The following GALNT13 variants were observed in gnomAD, a reference collection of about 807,000 sequenced individuals.
GALNT13 encodes the protein UDP-GalNAc:polypeptide N-acetylgalactosaminyltransferase 13.
GALNT13 carries 28 observed loss-of-function variants against 64.2 expected under a neutral mutation model. That is an observed-to-expected ratio of 0.44 (90% CI 0.32 to 0.60). The LOEUF is 0.60. Ranked by LOEUF, GALNT13 falls within the 20% of genes least tolerant of loss-of-function variation. GALNT13 has a pLI of 0.05. For synonymous variants in GALNT13, 214 were observed against 224.6 expected, an observed-to-expected ratio of 0.95 and a Z score of 0.42; for missense variants, 577 against 669.8, an observed-to-expected ratio of 0.86 and a Z score of 1.53.
the GALNT13 span, among the ~76,000 whole-genome samples, chr2:153,358,383 A>G: frequency 6.6e-6 from 1 of 152,220 alleles, no homozygotes; most frequent in Non-Finnish European, 1.5e-5. Flanking sequence ...TCCACCACTT[A>G]GAGTAACAAT....
intron 2 of GALNT13, among the ~76,000 whole-genome samples, chr2:153,927,445 TC>T (rs1211948608): frequency 6.6e-6 from 1 of 152,124 alleles, no homozygotes; most frequent in African/African-American, 2.4e-5. Flanking sequence ...TTTTTCCTTT[TC>T]TCCTATATTT....
chr2:154,279,614 G>A (rs1164600299), intron 8 of GALNT13, among the ~76,000 whole-genome samples: 1 of 152,056 alleles, frequency 6.6e-6, no homozygotes, highest in African/African-American at 2.4e-5. Context: ...AAGTACTAGT[G>A]TACCAAGGAA....
chr2:153,543,116 T>G, the GALNT13 span, among the ~76,000 whole-genome samples: 3 of 152,188 alleles, frequency 2.0e-5, no homozygotes, highest in South Asian at 6.2e-4. Flanking sequence ...AGTTTGTAGA[T>G]GAGGTTGCCC....
At chr2:153,545,108 A>C in the GALNT13 span, among the ~76,000 whole-genome samples, 9 of 148,312 alleles carry the variant, frequency 6.1e-5, no homozygotes, top group Admixed American at 2.0e-4. Flanking sequence ...AAAGACTCAG[A>C]AAAAAAAAAG....
At chr2:154,287,352 T>C in intron 8 of GALNT13, 4 of 570,660 alleles carry the variant, frequency 7.0e-6, no homozygotes, top group Non-Finnish European at 1.3e-5. Context: ...GACATTGCAT[T>C]CCAGCTCTCA....
the GALNT13 span, among the ~76,000 whole-genome samples, chr2:153,339,161 G>A: frequency 3.3e-5 from 5 of 152,182 alleles, no homozygotes; most frequent in Non-Finnish European, 5.9e-5. Context: ...GGTGGGTTGT[G>A]TAGTTCTAGT....
chr2:154,198,146 G>A (rs1686976471), intron 4 of GALNT13, among the ~76,000 whole-genome samples: 1 of 151,990 alleles, frequency 6.6e-6, no homozygotes, highest in South Asian at 2.1e-4. Flanking sequence ...AAGGTAAAAT[G>A]ATTTTACATG....
At chr2:153,931,046 G>A (rs1247318627) in intron 2 of GALNT13, among the ~76,000 whole-genome samples, 2 of 143,512 alleles carry the variant, frequency 1.4e-5, no homozygotes, top group East Asian at 2.1e-4. Flanking sequence ...GTCCTGGGTA[G>A]CTGTATTGCT....
chr2:154,414,901 CATTT>C (rs1285607817), intron 11 of GALNT13, among the ~76,000 whole-genome samples: 2 of 151,738 alleles, frequency 1.3e-5, no homozygotes, highest in African/African-American at 4.8e-5. Flanking sequence ...TTTGAAAAAA[CATTT>C]ATATCATCAT....
At chr2:153,089,202 A>G in the GALNT13 span, among the ~76,000 whole-genome samples, 4 of 152,096 alleles carry the variant, frequency 2.6e-5, no homozygotes, top group African/African-American at 9.7e-5. Flanking sequence ...TGTTTTTCTG[A>G]AAAAGACCTT....
At chr2:154,305,745 C>G (rs1693697665) in intron 9 of GALNT13, among the ~76,000 whole-genome samples, 1 of 152,190 alleles carries the variant, frequency 6.6e-6, no homozygotes, top group Non-Finnish European at 1.5e-5. Flanking sequence ...CTCTATCTGT[C>G]TTGAACTGTC....
At chr2:153,329,025 G>A in the GALNT13 span, among the ~76,000 whole-genome samples, 2 of 152,124 alleles carry the variant, frequency 1.3e-5, no homozygotes, top group African/African-American at 4.8e-5. Flanking sequence ...ATCCCTCACA[G>A]TGTGGTCCCT....
intron 2 of GALNT13, among the ~76,000 whole-genome samples, chr2:153,917,059 C>T (rs541827889): frequency 6.6e-6 from 1 of 152,178 alleles, no homozygotes; most frequent in South Asian, 2.1e-4. Flanking sequence ...ATTCAGCTGA[C>T]AAGTCACTTA....
At chr2:153,256,770 C>CA in the GALNT13 span, among the ~76,000 whole-genome samples, 2 of 152,286 alleles carry the variant, frequency 1.3e-5, no homozygotes, top group African/African-American at 4.8e-5. Context: ...GCTCGGGGGT[C>CA]AAGGGTCAGG....
chr2:153,192,154 T>C, the GALNT13 span, among the ~76,000 whole-genome samples: 1 of 152,014 alleles, frequency 6.6e-6, no homozygotes, highest in Admixed American at 6.6e-5. Flanking sequence ...GACATCTTTC[T>C]ACTTTTTTGA....
chr2:153,157,065 A>G, the GALNT13 span, among the ~76,000 whole-genome samples: 80 of 152,356 alleles, frequency 5.3e-4, no homozygotes, highest in African/African-American at 1.9e-3. Flanking sequence ...AAGTGGAGAC[A>G]TAAGGCATAT....
the GALNT13 span, among the ~76,000 whole-genome samples, chr2:153,689,063 C>CGTGTGTGTGTGT: frequency 1.5e-5 from 1 of 66,342 alleles, no homozygotes; most frequent in African/African-American, 5.7e-5. Context: ...TGCTAAACCG[C>CGTGTGTGTGTGT]GTGTGTATGT....
At chr2:153,182,133 T>C in the GALNT13 span, among the ~76,000 whole-genome samples, 6 of 152,086 alleles carry the variant, frequency 3.9e-5, no homozygotes, top group East Asian at 1.2e-3. Flanking sequence ...AAGCTCTGCC[T>C]CCCGAGTTCA....
At chr2:153,792,107 C>A in the GALNT13 span, among the ~76,000 whole-genome samples, 3 of 152,042 alleles carry the variant, frequency 2.0e-5, no homozygotes, top group African/African-American at 7.2e-5. Context: ...GTTTGTAATC[C>A]TACTACATGT....
Sources: allele counts gnomAD v4.1 joint callset (sites outside exome capture counted in the v4.1 genomes callset), GRCh38; gene constraint gnomAD v4.1.1; transcripts MANE v1.5; gene names NCBI Gene and HGNC (gene_info 2026-07-23, HGNC 2026-07-21).